ZNF555: variants seen among roughly 807,000 people sequenced by gnomAD.
ZNF555 encodes the protein zinc finger protein 555.
A neutral mutation model predicts 14.0 loss-of-function variants in ZNF555; 10 were observed. The ratio of observed to expected loss-of-function variants is 0.72; its 90% CI spans 0.44 to 1.21. The LOEUF is 1.21. Among genes scored for constraint, ZNF555 ranks in the 50% most tolerant of loss-of-function variants. The pLI is 0.00. For missense variants in ZNF555, 747 were observed against 762.0 expected, an observed-to-expected ratio of 0.98 and a Z score of 0.23; for synonymous variants, 277 against 262.4, an observed-to-expected ratio of 1.06 and a Z score of -0.54.
At position 2,852,716 on chromosome 19, in the gene ZNF555, G is replaced by T. The variant is rs139480369; in HGVS notation, c.651G>T (p.Arg217=). Residue 217 remains arginine (R), a synonymous_variant, in exon 4 of 4, where the codon CGG becomes CGT. Transcript: ENST00000334241. The part of the protein sequence containing the change: ...KTFPRTSSLN[R]HVRIHTAEKT... ...TTCCTCGTACTTCCTCCCTCAATCG[G>T]CATGTAAGGATTCACACTGCTGAGA... 1.6e-5 allele frequency: 26 copies of T among 1,614,134 alleles called. No homozygotes were observed. The Middle Eastern group carries it at 4.9e-4, about 31-fold the overall frequency.
rs1313389555 is a variant in ZNF555 at position 2,853,725 on chromosome 19, CAT to C, written c.1663_1664del (p.Met555GlufsTer12). 2 of 1,587,174 alleles carry C rather than the reference CAT, an allele frequency of 1.3e-6. No homozygotes were observed. The highest frequency in any genetic ancestry group is 3.5e-5 in the Admixed American group (2 of 56,988). On this transcript the variant is annotated frameshift_variant, in exon 4 of 4. Coordinates refer to ENST00000334241, the MANE Select transcript of ZNF555 (RefSeq NM_152791.5). LOFTEE classifies it low-confidence loss of function (END_TRUNC). ...CAAATGGCCATCATCTTTACCAATA[CAT>C]ATGAGACTGCACACTGGAGAGAAAC... ...VFKWPSSLPIHMRLHTGEKPY... is the reference protein window; with the variant it reads ...VFKWPSSLPIXMRLHTGEKPY...
rs921277316 is a variant in ZNF555 at position 2,854,597 on chromosome 19, G to T, written c.*645G>T. ...CTTGAATGAAATTTAGAATGAAGAA[G>T]AAGTAAGTCATCGCTGAGCTTTTGG... On this transcript the variant is annotated 3_prime_UTR_variant, in exon 4 of 4. Coordinates refer to ENST00000334241, the MANE Select transcript of ZNF555 (RefSeq NM_152791.5). 4.6e-5 allele frequency: 7 copies of T among 153,124 alleles called. No homozygotes were observed. The highest frequency in any genetic ancestry group is 1.7e-4 in the African/African-American group (7 of 41,456). 9.5% of individuals were successfully genotyped at this position (153,124 alleles called of 1,614,324 possible).
chr19:2,852,422 A>G lies in ZNF555; in HGVS notation c.357A>G (p.Gln119=), dbSNP rs777321586. The G allele has an allele frequency of 5.6e-6, 9 of 1,614,186 alleles. No homozygotes were observed. Among genetic ancestry groups the G allele is most frequent in the Admixed American group, 3.3e-5 (2 of 60,026 alleles). Residue 119 remains glutamine, a synonymous_variant, in exon 4 of 4, where the codon CAA becomes CAG. Coordinates refer to ENST00000334241, the MANE Select transcript of ZNF555 (RefSeq NM_152791.5). ...GLERLCESND[Q]CGEALSQIPH... Reference sequence around the variant, plus strand: ...AGAGACTCTGTGAAAGTAATGATCAATGTGGAGAAGCCCTCAGCCAGATTC... The same window carrying G: ...AGAGACTCTGTGAAAGTAATGATCAGTGTGGAGAAGCCCTCAGCCAGATTC...
rs766268353 is a variant in ZNF555 at position 2,853,738 on chromosome 19, A to T, written c.1673A>T (p.His558Leu). The change falls in exon 4 of 4, where the codon CAC (histidine) becomes CTC (leucine). Residue 558 changes from histidine (H) to leucine (L), a missense_variant. Transcript: ENST00000334241. ...TCTTTACCAATACATATGAGACTGCACACTGGAGAGAAACCTTATCAATGT... is the reference window on the plus strand; with the variant it reads ...TCTTTACCAATACATATGAGACTGCTCACTGGAGAGAAACCTTATCAATGT... The part of the protein sequence containing the change: ...PSSLPIHMRL[H>L]TGEKPYQCKH... 6.3e-7 allele frequency: 1 copy of T among 1,596,150 alleles called. No homozygotes were observed. The highest frequency in any genetic ancestry group is 1.1e-5 in the South Asian group (1 of 87,078).
At position 2,852,934 on chromosome 19, in the gene ZNF555, C is replaced by CG; in HGVS notation, c.871dup (p.Glu291GlyfsTer4). ...AAGCCATATAAATGTAAGGAATGTG[C>CG]GGAAGCCTTTAGTTATTCCTCAACT... On this transcript the variant is annotated frameshift_variant, in exon 4 of 4. Coordinates refer to ENST00000334241, the MANE Select transcript of ZNF555 (RefSeq NM_152791.5). LOFTEE classifies it low-confidence loss of function (END_TRUNC). 6.2e-7 allele frequency: 1 copy of CG among 1,614,040 alleles called. No homozygotes were observed. Among genetic ancestry groups the CG allele is most frequent in the Non-Finnish European group, 8.5e-7 (1 of 1,180,012 alleles).
chr19:2,841,596 G>T (rs772070790), intron 1 of ZNF555, 21 bp downstream of exon 1: 143 of 1,522,268 alleles, frequency 9.4e-5, no homozygotes, highest in Non-Finnish European at 1.1e-4. Flanking sequence ...CGCAGGAGAG[G>T]ATCCCGGTGC....
chr19:2,848,213 G>T (rs947743434), intron 1 of ZNF555, among the ~76,000 whole-genome samples: 1 of 150,674 alleles, frequency 6.6e-6, no homozygotes, highest in African/African-American at 2.4e-5. Context: ...GTGCAGTGGC[G>T]CCATCTCTGC....
chr19:2,845,143 G>T (rs938049480), intron 1 of ZNF555, among the ~76,000 whole-genome samples: 2 of 152,078 alleles, frequency 1.3e-5, no homozygotes, highest in Non-Finnish European at 2.9e-5. Context: ...GGAATCCCCA[G>T]CGTCTATTGT....
At chr19:2,846,402 C>A (rs576313496) in intron 1 of ZNF555, among the ~76,000 whole-genome samples, 1 of 152,212 alleles carries the variant, frequency 6.6e-6, no homozygotes, top group Non-Finnish European at 1.5e-5. Context: ...CAAGGTCAAG[C>A]CAGTCCTTCA....
At position 2,855,975 on chromosome 19, in the gene ZNF555, C is replaced by T. The variant is rs1290054241; in HGVS notation, c.*2023C>T. The T allele has an allele frequency of 6.6e-6, 1 of 152,058 alleles. No homozygotes were observed. Among genetic ancestry groups the T allele is most frequent in the Non-Finnish European group, 1.5e-5 (1 of 68,006 alleles). The allele number at this position is 152,058 out of a possible 1,614,324, so 9.4% of individuals were successfully genotyped here. On this transcript the variant is annotated 3_prime_UTR_variant, in exon 4 of 4. Coordinates refer to ENST00000334241, the MANE Select transcript of ZNF555 (RefSeq NM_152791.5). ...GCTCTCTTTTCGCATACTGAGGCACCGCGAATTAAGATTTCAACGTAAAAA... is the reference window on the plus strand; with the variant it reads ...GCTCTCTTTTCGCATACTGAGGCACTGCGAATTAAGATTTCAACGTAAAAA...
In ZNF555 at chr19:2,854,855, T is replaced by C. The variant is rs747197440; in HGVS notation, c.*903T>C. 1 of 152,242 alleles carries C rather than the reference T, an allele frequency of 6.6e-6. No homozygotes were observed. Among genetic ancestry groups the C allele is most frequent in the Non-Finnish European group, 1.5e-5 (1 of 68,050 alleles). 9.4% of individuals were successfully genotyped at this position (152,242 alleles called of 1,614,324 possible). A position where few individuals can be genotyped will look rare whatever the true frequency, so the allele number is the denominator to read the frequency against. ...AGAGTCTGGATTTTTCTCAAAACCC[T>C]GCATGACCTCTTGACCACTGATTCA... is the stretch of plus-strand genomic sequence containing the variant. On this transcript the variant is annotated 3_prime_UTR_variant, in exon 4 of 4. Transcript: ENST00000334241.
chr19:2,842,543 G>A (rs2087546808), intron 1 of ZNF555, among the ~76,000 whole-genome samples: 1 of 152,136 alleles, frequency 6.6e-6, no homozygotes, highest in Admixed American at 6.5e-5. Context: ...TGGATTTGAA[G>A]ACGTTTCTCA....
At chr19:2,849,129 G>T (rs1019737835) in intron 1 of ZNF555, among the ~76,000 whole-genome samples, 2 of 152,166 alleles carry the variant, frequency 1.3e-5, no homozygotes, top group Admixed American at 1.3e-4. Context: ...CTGTGAATAG[G>T]ACTGTTCTAG....
rs988002809 is a variant in ZNF555, at chr19:2,854,560, C to G, written c.*608C>G. 2 of 153,170 alleles carry G rather than the reference C, an allele frequency of 1.3e-5. No homozygotes were observed. Among genetic ancestry groups the G allele is most frequent in the African/African-American group, 4.8e-5 (2 of 41,368 alleles). 9.5% of individuals were successfully genotyped at this position (153,170 alleles called of 1,614,324 possible). A position where few individuals can be genotyped will look rare whatever the true frequency, so the allele number is the denominator to read the frequency against. ...TTTATGGTTCCATGTCCAAATTTAC[C>G]AATAGCAATAACTTGAATGAAATTT... On this transcript the variant is annotated 3_prime_UTR_variant, in exon 4 of 4. Transcript: ENST00000334241.
chr19:2,848,342 C>T lies in ZNF555; in HGVS notation c.4-2245C>T, dbSNP rs185177924. Among the ~76,000 whole-genome samples the T allele has an allele frequency of 8.9e-4, 132 of 148,278 alleles. No homozygotes were observed. In the East Asian group the frequency reaches 0.023, roughly 26 times the overall value. Reference sequence around the variant, plus strand: ...AATTTTTTTGTATTTTTAGTAGAGTCGGGGTTTCACCGTGTTAGCCAGGAT... The same window carrying T: ...AATTTTTTTGTATTTTTAGTAGAGTTGGGGTTTCACCGTGTTAGCCAGGAT... On this transcript the variant is annotated intron_variant, in intron 1 of 3. Transcript: ENST00000334241.
chr19:2,848,156 CTT>C (rs60198246), intron 1 of ZNF555, among the ~76,000 whole-genome samples: 10 of 144,460 alleles, frequency 6.9e-5, no homozygotes, highest in Admixed American at 2.1e-4. Context: ...GTTTTCTTTT[CTT>C]TTTTTTTTTT....
At position 2,854,500 on chromosome 19, in the gene ZNF555, A is replaced by G. The variant is rs956112618; in HGVS notation, c.*548A>G. ...CTTCTGCATTGTTGTCAGTGTGGGT[A>G]GTGTTAGGAACTTCATTTGCTGGAA... is the stretch of plus-strand genomic sequence containing the variant. On this transcript the variant is annotated 3_prime_UTR_variant, in exon 4 of 4. Coordinates refer to ENST00000334241, the MANE Select transcript of ZNF555 (RefSeq NM_152791.5). 1.3e-4 allele frequency: 20 copies of G among 154,870 alleles called. No homozygotes were observed. Among genetic ancestry groups the G allele is most frequent in the African/African-American group, 4.8e-4 (20 of 41,446 alleles). 9.6% of individuals were successfully genotyped at this position (154,870 alleles called of 1,614,324 possible). A position where few individuals can be genotyped will look rare whatever the true frequency, so the allele number is the denominator to read the frequency against.
At chr19:2,850,791 G>A in intron 2 of ZNF555, 78 bp downstream of exon 2, 1 of 1,565,870 alleles carries the variant, frequency 6.4e-7, no homozygotes, top group Non-Finnish European at 8.7e-7. Flanking sequence ...CTGTTCCAAG[G>A]CTTGGAATGT....
chr19:2,847,700 A>C (rs2087593547), intron 1 of ZNF555, among the ~76,000 whole-genome samples: 1 of 152,238 alleles, frequency 6.6e-6, no homozygotes, highest in Non-Finnish European at 1.5e-5. Flanking sequence ...AGTAGGGCCC[A>C]TTGGATTAGA....
Sources: allele counts gnomAD v4.1 joint callset (sites outside exome capture counted in the v4.1 genomes callset), GRCh38; gene constraint gnomAD v4.1.1; transcripts MANE v1.5; gene names NCBI Gene and HGNC (gene_info 2026-07-23, HGNC 2026-07-21).